The following RANBP2 variants were observed in gnomAD, a reference collection of about 807,000 sequenced individuals.
The protein encoded by RANBP2 is RAN binding protein 2, also known as E3 SUMO-protein ligase RanBP2.
In RANBP2, 57 loss-of-function variants were observed where a neutral mutation model predicts 303.6. The observed-to-expected ratio is 0.19, with a 90% CI of 0.15 to 0.23. RANBP2 has a LOEUF of 0.23. Ranked by LOEUF, RANBP2 falls within the 10% of genes least tolerant of loss-of-function variation. The pLI is 1.00. For synonymous variants in RANBP2, 1,167 were observed against 1,301.5 expected (o/e 0.90, Z 2.23); for missense variants, 3,138 against 3,780.8 (o/e 0.83, Z 4.46).
the RANBP2 span, among the ~76,000 whole-genome samples, chr2:109,317,977 G>A: frequency 6.6e-6 from 1 of 151,980 alleles, no homozygotes; most frequent in Non-Finnish European, 1.5e-5. Context: ...CTGTGGCAAA[G>A]GCCAAGGATG....
chr2:109,641,447 C>T, the RANBP2 span, among the ~76,000 whole-genome samples: 421 of 152,272 alleles, frequency 2.8e-3, 1 homozygote, highest in South Asian at 0.022. Flanking sequence ...TGCCACAACA[C>T]GGGTGACCCT....
At chr2:109,615,163 G>A in the RANBP2 span, 4 of 1,548,922 alleles carry the variant, frequency 2.6e-6, no homozygotes, top group Non-Finnish European at 3.5e-6. Flanking sequence ...CCCGGGGGCA[G>A]CAGCCCGGGC....
the RANBP2 span, among the ~76,000 whole-genome samples, chr2:109,016,400 A>T: frequency 6.6e-6 from 1 of 152,048 alleles, no homozygotes; most frequent in East Asian, 1.9e-4. Flanking sequence ...AGGTGGTATT[A>T]TTGTTACCAA....
At chr2:109,440,171 G>A in the RANBP2 span, among the ~76,000 whole-genome samples, 1 of 152,212 alleles carries the variant, frequency 6.6e-6, no homozygotes, top group African/African-American at 2.4e-5. Flanking sequence ...ATGGAAGAAG[G>A]AGAAGTCCAG....
the RANBP2 span, among the ~76,000 whole-genome samples, chr2:109,413,916 G>A: frequency 1.6e-4 from 25 of 151,576 alleles, no homozygotes; most frequent in South Asian, 4.8e-3. Flanking sequence ...CAGTGGTCCA[G>A]CAGGGGCAGT....
chr2:109,490,136 C>T, the RANBP2 span, among the ~76,000 whole-genome samples: 2 of 152,220 alleles, frequency 1.3e-5, no homozygotes, highest in Non-Finnish European at 2.9e-5. Context: ...ATGGGTCTCT[C>T]ACCCTTCTAC....
At chr2:108,862,171 GT>G in the RANBP2 span, among the ~76,000 whole-genome samples, 3 of 150,486 alleles carry the variant, frequency 2.0e-5, no homozygotes, top group Non-Finnish European at 4.4e-5. Context: ...ATATTCTGTG[GT>G]TGTGGGAATG....
chr2:108,876,304 A>G, the RANBP2 span: 1 of 1,005,382 alleles, frequency 9.9e-7, no homozygotes, highest in Non-Finnish European at 1.4e-6. Context: ...ATAAACATGT[A>G]GAAATTACCA....
At chr2:109,256,407 T>G in the RANBP2 span, among the ~76,000 whole-genome samples, 5 of 152,284 alleles carry the variant, frequency 3.3e-5, no homozygotes, top group East Asian at 9.6e-4. Context: ...TGTCCTCCCC[T>G]GCAAGGAAGG....
the RANBP2 span, among the ~76,000 whole-genome samples, chr2:109,293,738 A>G: frequency 6.6e-6 from 1 of 152,130 alleles, no homozygotes; most frequent in Admixed American, 6.5e-5. Context: ...TCCCTGAATC[A>G]CCTGCTCAAA....
chr2:109,045,758 G>A, the RANBP2 span, among the ~76,000 whole-genome samples: 1 of 152,056 alleles, frequency 6.6e-6, no homozygotes, highest in Non-Finnish European at 1.5e-5. Flanking sequence ...AGGGGAGGAG[G>A]AAGAAGGAAG....
At chr2:109,718,851 A>C in the RANBP2 span, among the ~76,000 whole-genome samples, 1 of 151,740 alleles carries the variant, frequency 6.6e-6, no homozygotes, top group African/African-American at 2.4e-5. Flanking sequence ...CTCTACTAAA[A>C]GTACAAAAAT....
the RANBP2 span, among the ~76,000 whole-genome samples, chr2:109,727,454 C>T: frequency 6.6e-6 from 1 of 152,184 alleles, no homozygotes; most frequent in African/African-American, 2.4e-5. Flanking sequence ...GACTCCAAGC[C>T]GAGTCCGTAT....
At chr2:109,421,070 G>A in the RANBP2 span, among the ~76,000 whole-genome samples, 1 of 152,228 alleles carries the variant, frequency 6.6e-6, no homozygotes, top group Non-Finnish European at 1.5e-5. Flanking sequence ...TCCTAGCTCA[G>A]TTCTGGCAGC....
At chr2:109,481,660 A>G in the RANBP2 span, among the ~76,000 whole-genome samples, 1 of 152,198 alleles carries the variant, frequency 6.6e-6, no homozygotes, top group Non-Finnish European at 1.5e-5. Context: ...GGGGCTGGAC[A>G]TGTGGATGGA....
intron 1 of RANBP2, 54 bp from the exon 2 acceptor site, chr2:108,729,078 A>G (rs1694965994): frequency 6.5e-7 from 1 of 1,533,598 alleles, no homozygotes; most frequent in African/African-American, 1.4e-5. Context: ...CTTTTGAAAA[A>G]ATGTTGGAAA....
chr2:109,186,993 G>T, the RANBP2 span, among the ~76,000 whole-genome samples: 14 of 152,054 alleles, frequency 9.2e-5, no homozygotes, highest in Admixed American at 4.6e-4. Context: ...AAGTTTGCTC[G>T]TCTCCCAGAG....
At chr2:109,670,152 T>A in the RANBP2 span, among the ~76,000 whole-genome samples, 4,334 of 152,040 alleles carry the variant, frequency 0.029, 87 homozygotes, top group Non-Finnish European at 0.045. Flanking sequence ...GAGCCTGGAA[T>A]GGTGGGAAGC....
the RANBP2 span, among the ~76,000 whole-genome samples, chr2:109,210,797 T>G: frequency 5.9e-5 from 9 of 152,340 alleles, no homozygotes; most frequent in Admixed American, 5.9e-4. Flanking sequence ...ACGACCTATT[T>G]CTAAAGCATG....
Sources: allele counts gnomAD v4.1 joint callset (sites outside exome capture counted in the v4.1 genomes callset), GRCh38; gene constraint gnomAD v4.1.1; transcripts MANE v1.5; gene names NCBI Gene and HGNC (gene_info 2026-07-23, HGNC 2026-07-21).